Variants in STXBP2 observed in about 807,000 individuals in gnomAD.
The protein encoded by STXBP2 is syntaxin binding protein 2.
A neutral mutation model predicts 72.2 loss-of-function variants in STXBP2; 47 were observed. That is an observed-to-expected ratio of 0.65 (90% CI 0.51 to 0.83). STXBP2 has a LOEUF of 0.83. STXBP2 is among the 40% of genes least tolerant of loss of function. The pLI is 0.00. For missense variants in STXBP2, 702 were observed against 807.6 expected (o/e 0.87, Z 1.58); for synonymous variants, 367 against 338.7 (o/e 1.08, Z -0.92).
chr19:7,647,350 A>G lies in STXBP2; in HGVS notation c.1539-4A>G. 6.2e-7 allele frequency: 1 copy of G among 1,613,036 alleles called. No individual in the cohort carries two copies. The highest frequency in any genetic ancestry group is 8.5e-7 in the Non-Finnish European group (1 of 1,179,920). Reference sequence around the variant, plus strand: ...CCTGGACTTTCTGCCCCTGCCCTGCACAGTGCCCGCTTCGGTCACTGGCAC... The same window carrying G: ...CCTGGACTTTCTGCCCCTGCCCTGCGCAGTGCCCGCTTCGGTCACTGGCAC... On this transcript the variant is annotated splice_polypyrimidine_tract_variant and splice_region_variant and intron_variant, in intron 17 of 18. Transcript: ENST00000221283.
chr19:7,633,767 A>G (rs1862515), upstream of STXBP2: 120,605 of 404,314 alleles, frequency 0.3, 19,466 homozygotes, highest in Non-Finnish European at 0.34. Context: ...CCTGAGCAGC[A>G]TCCCCACAGT....
chr19:7,643,327 G>T, intron 13 of STXBP2, 82 bp downstream of exon 13: 4 of 1,430,510 alleles, frequency 2.8e-6, no homozygotes, highest in Non-Finnish European at 3.8e-6. Context: ...TAGAGATGGG[G>T]GGTTCTGGGG....
At chr19:7,632,784 A>G, upstream of STXBP2, 1 of 1,564,998 alleles carries the variant, frequency 6.4e-7, no homozygotes, top group Non-Finnish European at 8.6e-7. This position sits in a 1 kb window ranked among gnomAD's most constrained non-coding sequence, Gnocchi z 5.2. Context: ...GTCGCCCTGC[A>G]CGTGGCTCAG....
chr19:7,639,930 A>G (rs1030082859), intron 4 of STXBP2, 123 bp downstream of exon 4: 7 of 411,506 alleles, frequency 1.7e-5, no homozygotes, highest in South Asian at 5.3e-5. Context: ...GTCCATGTGT[A>G]TGTGTGTGCA....
chr19:7,646,192 CTG>C, intron 15 of STXBP2, 55 bp from the exon 16 acceptor site: 1 of 1,488,316 alleles, frequency 6.7e-7, no homozygotes, highest in South Asian at 1.2e-5. Context: ...CGCAGCCCCT[CTG>C]TGACCAGCCT....
At chr19:7,631,075 G>A in the STXBP2 span, 8 of 732,418 alleles carry the variant, frequency 1.1e-5, no homozygotes, top group African/African-American at 1.8e-5. Flanking sequence ...AGGCATGGTG[G>A]CAGGCGCCTA....
chr19:7,633,046 C>G, upstream of STXBP2: 1 of 1,409,030 alleles, frequency 7.1e-7, no homozygotes, highest in Non-Finnish European at 9.3e-7. Context: ...CCCTGGCCAG[C>G]AGTGCCACTT....
At chr19:7,639,882 ATGTG>A in intron 4 of STXBP2, 75 bp downstream of exon 4, 8 of 1,461,730 alleles carry the variant, frequency 5.5e-6, no homozygotes, top group South Asian at 1.2e-5. Flanking sequence ...GTCTGCATGC[ATGTG>A]ATTGCATGTG....
intron 1 of STXBP2, among the ~76,000 whole-genome samples, chr19:7,637,859 C>T (rs1340833074): frequency 6.6e-6 from 1 of 152,190 alleles, no homozygotes; most frequent in Non-Finnish European, 1.5e-5. Context: ...TTACTTCTCT[C>T]CACTCTCTCC....
upstream of STXBP2, chr19:7,633,568 C>T: frequency 1.9e-6 from 2 of 1,040,030 alleles, no homozygotes; most frequent in Non-Finnish European, 2.9e-6. Context: ...TCCCCAAATC[C>T]CCAGCTCATG....
upstream of STXBP2, chr19:7,632,370 G>A (rs764657445): frequency 5.1e-5 from 82 of 1,612,854 alleles, 1 homozygote; most frequent in Admixed American, 7.5e-4. This position sits in a 1 kb window ranked among gnomAD's most constrained non-coding sequence, Gnocchi z 5.2. Flanking sequence ...GTTTCTCCTC[G>A]ACATCGCCAG....
At chr19:7,645,425 G>T in intron 15 of STXBP2, 119 bp downstream of exon 15, 1 of 999,460 alleles carries the variant, frequency 1.0e-6, no homozygotes, top group Non-Finnish European at 1.5e-6. Flanking sequence ...TGGTGTGGTT[G>T]CTGGGAGGCC....
chr19:7,641,122 T>C (rs1423672166), intron 6 of STXBP2, 119 bp downstream of exon 6: 3 of 1,042,770 alleles, frequency 2.9e-6, no homozygotes, highest in Non-Finnish European at 4.3e-6. Context: ...CCCAGCGCTG[T>C]GGGAGGCCAG....
At position 7,642,694 on chromosome 19, in the gene STXBP2, C is replaced by A; in HGVS notation, c.903-72C>A. The A allele has an allele frequency of 6.5e-7, 1 of 1,530,688 alleles. No individual in the cohort carries two copies. The highest frequency in any genetic ancestry group is 9.0e-7 in the Non-Finnish European group (1 of 1,108,718). 94.8% of individuals were successfully genotyped at this position (1,530,688 alleles called of 1,614,324 possible). A position where few individuals can be genotyped will look rare whatever the true frequency, so the allele number is the denominator to read the frequency against. On this transcript the variant is annotated intron_variant, in intron 10 of 18. Coordinates refer to ENST00000221283, the MANE Select transcript of STXBP2 (RefSeq NM_006949.4). The surrounding 1 kb of genome is among the most constrained non-coding windows in gnomAD (Gnocchi z 6.0). Reference sequence around the variant, plus strand: ...ATTTCACCCCACCTCTCCCTGTCCCCCCTGAGTGGGCTCACCCATGGCCTG... The same window carrying A: ...ATTTCACCCCACCTCTCCCTGTCCCACCTGAGTGGGCTCACCCATGGCCTG...
At chr19:7,647,638 C>A (rs1568472318) in intron 18 of STXBP2, 87 bp from the exon 19 acceptor site, 3 of 1,597,276 alleles carry the variant, frequency 1.9e-6, no homozygotes, top group Non-Finnish European at 2.6e-6. Context: ...GGGACAGGGA[C>A]AGCCCCACAC....
In STXBP2 at chr19:7,641,016, C is replaced by G. The variant is rs529175957; in HGVS notation, c.429+13C>G. Reference sequence around the variant, plus strand: ...CTACGAGGCCCAGGTACGGCCCGGGCTCATCCTGGGCAGGGGGTGGGGGTT... The same window carrying G: ...CTACGAGGCCCAGGTACGGCCCGGGGTCATCCTGGGCAGGGGGTGGGGGTT... On this transcript the variant is annotated intron_variant, in intron 6 of 18. Coordinates refer to ENST00000221283, the MANE Select transcript of STXBP2 (RefSeq NM_006949.4). 2.5e-6 allele frequency: 4 copies of G among 1,613,134 alleles called. No individual in the cohort carries two copies. Among genetic ancestry groups the G allele is most frequent in the Middle Eastern group, 1.7e-4 (1 of 6,058 alleles).
the STXBP2 span, chr19:7,630,016 A>C: frequency 1.3e-6 from 1 of 784,018 alleles, no homozygotes; most frequent in African/African-American, 2.4e-5. Flanking sequence ...AATCCAGGAG[A>C]GGGGACGCTG....
At chr19:7,637,049 G>A (rs974674676), upstream of STXBP2, 10 of 1,198,130 alleles carry the variant, frequency 8.3e-6, no homozygotes, top group African/African-American at 9.4e-5. Context: ...CGCAGGGGGC[G>A]GGGACAGGGC....
chr19:7,644,195 G>A (rs2032034069), intron 13 of STXBP2, among the ~76,000 whole-genome samples: 1 of 99,082 alleles, frequency 1.0e-5, no homozygotes, highest in African/African-American at 4.8e-5. Flanking sequence ...TCGGAGAGGT[G>A]GGACCTGGGT....
Sources: gnomAD v4.1 joint callset for allele counts (sites outside exome capture counted in the v4.1 genomes callset) on GRCh38, gnomAD v4.1.1 for gene constraint, Gnocchi (gnomAD v3.1) non-coding constraint, MANE v1.5 for transcripts, NCBI Gene and HGNC (gene_info 2026-07-23, HGNC 2026-07-21) for gene names.